CTNNA2: variants seen among roughly 807,000 people sequenced by gnomAD.
The protein encoded by CTNNA2 is catenin alpha-2.
CTNNA2 carries 42 observed loss-of-function variants against 101.0 expected under a neutral mutation model. That is an observed-to-expected ratio of 0.42 (90% CI 0.32 to 0.54). The LOEUF is 0.54. Among genes scored for constraint, CTNNA2 ranks in the 20% least tolerant of loss-of-function variants. CTNNA2 has a pLI of 0.14. For missense variants in CTNNA2, 871 were observed against 1,223.1 expected (o/e 0.71, Z 4.29); for synonymous variants, 450 against 456.4 (o/e 0.99, Z 0.18).
chr2:80,102,593 A>G (rs1700610002), intron 7 of CTNNA2, among the ~76,000 whole-genome samples: 2 of 152,040 alleles, frequency 1.3e-5, no homozygotes, highest in Admixed American at 6.6e-5. Flanking sequence ...GCTCACTGCA[A>G]CCTCTGCCTC....
intron 7 of CTNNA2, among the ~76,000 whole-genome samples, chr2:80,117,739 C>G (rs528087606): frequency 6.6e-6 from 1 of 152,222 alleles, no homozygotes; most frequent in East Asian, 1.9e-4. Flanking sequence ...GTGGATCATG[C>G]TGGTGGCAGC....
At chr2:80,271,283 T>C (rs1310602300) in intron 7 of CTNNA2, among the ~76,000 whole-genome samples, 1 of 152,236 alleles carries the variant, frequency 6.6e-6, no homozygotes, top group Non-Finnish European at 1.5e-5. Flanking sequence ...GGGGTATGTA[T>C]GTGTATGTTT....
intron 18 of CTNNA2, among the ~76,000 whole-genome samples, chr2:80,643,079 G>A (rs961674552): frequency 6.6e-6 from 1 of 152,120 alleles, no homozygotes; most frequent in Non-Finnish European, 1.5e-5. Context: ...TTTAAACATA[G>A]TATTTTGATG....
chr2:79,785,980 T>C (rs1311785880), intron 3 of CTNNA2, among the ~76,000 whole-genome samples: 2 of 152,132 alleles, frequency 1.3e-5, no homozygotes, highest in Non-Finnish European at 2.9e-5. Context: ...TGGTTCTAAA[T>C]TGAGGGAAGA....
At chr2:80,569,177 G>C (rs554548517) in intron 12 of CTNNA2, among the ~76,000 whole-genome samples, 2 of 152,204 alleles carry the variant, frequency 1.3e-5, no homozygotes, top group East Asian at 3.9e-4. Context: ...TCTCTCAGGA[G>C]AATTTATTCC....
chr2:80,561,578 G>T (rs1693596879), intron 12 of CTNNA2, among the ~76,000 whole-genome samples: 1 of 152,178 alleles, frequency 6.6e-6, no homozygotes. Flanking sequence ...GTGGAGGTCT[G>T]TGCTACAGGT....
chr2:79,367,406 C>T (rs1270192461), intron 3 of CTNNA2, among the ~76,000 whole-genome samples: 1 of 152,156 alleles, frequency 6.6e-6, no homozygotes, highest in Non-Finnish European at 1.5e-5. Context: ...GCATCTCTGG[C>T]AGGGAAATTG....
At chr2:79,950,245 A>C (rs555539846) in intron 7 of CTNNA2, among the ~76,000 whole-genome samples, 1 of 152,352 alleles carries the variant, frequency 6.6e-6, no homozygotes, top group South Asian at 2.1e-4. Flanking sequence ...TACGAACAAA[A>C]AACCACACCT....
chr2:80,244,004 C>G (rs78835606), intron 7 of CTNNA2, among the ~76,000 whole-genome samples: 1 of 152,292 alleles, frequency 6.6e-6, no homozygotes, highest in Non-Finnish European at 1.5e-5. Context: ...AACGTGGCCT[C>G]ATCTCTGGCC....
intron 2 of CTNNA2, among the ~76,000 whole-genome samples, chr2:79,651,996 T>C (rs1443476121): frequency 6.6e-6 from 1 of 152,154 alleles, no homozygotes; most frequent in Non-Finnish European, 1.5e-5. Context: ...TAGGAAAAAC[T>C]GTGTTGACTA....
intron 7 of CTNNA2, among the ~76,000 whole-genome samples, chr2:80,272,206 G>T (rs763007832): frequency 2.0e-5 from 3 of 152,086 alleles, no homozygotes; most frequent in Non-Finnish European, 2.9e-5. Context: ...TTCGTTTAAA[G>T]AAATCCATTG....
intron 3 of CTNNA2, among the ~76,000 whole-genome samples, chr2:79,781,936 T>C (rs536753529): frequency 7.8e-6 from 1 of 128,410 alleles, no homozygotes; most frequent in African/African-American, 3.1e-5. Context: ...TCTTCTTTAT[T>C]GTTTACTCAA....
intron 7 of CTNNA2, among the ~76,000 whole-genome samples, chr2:80,359,435 G>A (rs963066518): frequency 5.3e-5 from 8 of 152,240 alleles, no homozygotes; most frequent in Middle Eastern, 3.4e-3. Flanking sequence ...AGTGTTGGAG[G>A]CGGAGCCTGG....
In CTNNA2 at chr2:79,894,063, T is replaced by TTCCTCCTCC. The variant is rs1553396416; in HGVS notation, c.853-15520_853-15512dup. Among the ~76,000 whole-genome samples, 65 of 61,352 alleles carry TTCCTCCTCC rather than the reference T, an allele frequency of 1.1e-3. 1 individual carries two copies. The highest frequency in any genetic ancestry group is 3.6e-3 in the African/African-American group (59 of 16,376). The allele number at this position is 61,352 out of a possible 152,430, so 40.2% of individuals were successfully genotyped here. A position where few individuals can be genotyped will look rare whatever the true frequency, so the allele number is the denominator to read the frequency against. ...CTTCTTCTTCTTCTTCTTCTTCTTCTTCCTCCTCCTCCTCCTCCTTCTTCT... is the reference window on the plus strand; with the variant it reads ...CTTCTTCTTCTTCTTCTTCTTCTTCTTCCTCCTCCTCCTCCTCCTCCTCCTCCTTCTTCT... On this transcript the variant is annotated intron_variant, in intron 6 of 18. Transcript: ENST00000402739.
chr2:79,481,297 T>G (rs1671107135), intron 4 of CTNNA2, among the ~76,000 whole-genome samples: 1 of 152,180 alleles, frequency 6.6e-6, no homozygotes, highest in Admixed American at 6.5e-5. Context: ...GATTATATTT[T>G]AATGAAAAGA....
At position 79,724,025 on chromosome 2, in the gene CTNNA2, T is replaced by A. The variant is rs563376034; in HGVS notation, c.103-20362T>A. ...AGCACCAACTGTTTTGTCTACAGTA[T>A]CAGCAGTCTGGAATTCCTCAACCAC... On this transcript the variant is annotated intron_variant, in intron 2 of 18. Transcript: ENST00000402739. 3.3e-5 allele frequency among the ~76,000 whole-genome samples: 5 copies of A among 152,280 alleles called. 1 individual carries two copies. In the South Asian group the frequency reaches 1.0e-3, roughly 32 times the overall value.
intron 8 of CTNNA2, among the ~76,000 whole-genome samples, chr2:80,396,348 A>C (rs1678011492): frequency 6.6e-6 from 1 of 152,198 alleles, no homozygotes; most frequent in Non-Finnish European, 1.5e-5. Context: ...TTTAGAATCA[A>C]AAATGGATTT....
chr2:80,309,354 A>G (rs1269603272), intron 7 of CTNNA2, among the ~76,000 whole-genome samples: 3 of 152,180 alleles, frequency 2.0e-5, no homozygotes, highest in Admixed American at 2.0e-4. Context: ...TGCCCTCTAT[A>G]AAGCAATCCC....
At chr2:79,594,411 T>G (rs1677060190) in intron 1 of CTNNA2, among the ~76,000 whole-genome samples, 1 of 152,212 alleles carries the variant, frequency 6.6e-6, no homozygotes, top group South Asian at 2.1e-4. Context: ...TGTTATTATT[T>G]CTTCATCTGT....
Sources: gnomAD v4.1 joint callset for allele counts (sites outside exome capture counted in the v4.1 genomes callset) on GRCh38, gnomAD v4.1.1 for gene constraint, MANE v1.5 for transcripts, NCBI Gene and HGNC (gene_info 2026-07-23, HGNC 2026-07-21) for gene names.